CRB1: variants seen among roughly 807,000 people sequenced by gnomAD.
CRB1 encodes the protein protein crumbs homolog 1.
In CRB1, 83 loss-of-function variants were observed where a neutral mutation model predicts 120.0. That is an observed-to-expected ratio of 0.69 (90% CI 0.58 to 0.83). CRB1 has a LOEUF of 0.83. Ranked by LOEUF, CRB1 falls within the 40% of genes least tolerant of loss-of-function variation. CRB1 has a pLI of 0.00. For synonymous variants in CRB1, 625 were observed against 612.5 expected (o/e 1.02, Z -0.30); for missense variants, 1,699 against 1,687.6 (o/e 1.01, Z -0.12).
chr1:197,332,550 TA>T (rs376373577), intron 2 of CRB1, among the ~76,000 whole-genome samples: 91 of 147,224 alleles, frequency 6.2e-4, no homozygotes, highest in Admixed American at 1.1e-3. Context: ...CTTGTTCGGG[TA>T]AAAAAAAAAA....
chr1:197,405,959 T>G, intron 5 of CRB1, among the ~76,000 whole-genome samples: 2 of 139,864 alleles, frequency 1.4e-5, no homozygotes, highest in South Asian at 2.3e-4. Flanking sequence ...GGTGGGGGGG[T>G]CAGCCCCCCG....
At position 197,292,146 on chromosome 1, in the gene CRB1, A is replaced by G. The variant is rs186375969; in HGVS notation, c.70+23664A>G. Among the ~76,000 whole-genome samples the G allele has an allele frequency of 3.2e-3, 483 of 152,222 alleles. 2 individuals carry two copies. Among genetic ancestry groups the G allele is most frequent in the African/African-American group, 0.011 (451 of 41,564 alleles). ...ATCCAGGAGCTGATTTTTTGAAAAG[A>G]TCAACAAAATTGATAGACCGCTAGC... On this transcript the variant is annotated intron_variant, in intron 1 of 11. Coordinates refer to ENST00000367400, the MANE Select transcript of CRB1 (RefSeq NM_201253.3).
intron 1 of CRB1, among the ~76,000 whole-genome samples, chr1:197,318,611 A>T (rs1442331557): frequency 6.6e-6 from 1 of 152,190 alleles, no homozygotes; most frequent in Non-Finnish European, 1.5e-5. Context: ...AATGCTCATC[A>T]ATTTTTAAAT....
chr1:197,202,899 C>T, the CRB1 span, among the ~76,000 whole-genome samples: 1 of 151,784 alleles, frequency 6.6e-6, no homozygotes, highest in Non-Finnish European at 1.5e-5. Flanking sequence ...AGGAAATGAA[C>T]ATTATAGGTC....
chr1:197,232,284 T>G, the CRB1 span, among the ~76,000 whole-genome samples: 1 of 152,314 alleles, frequency 6.6e-6, no homozygotes, highest in East Asian at 1.9e-4. Context: ...TTTGTGTTGC[T>G]TTAGGCTACT....
chr1:197,345,981 G>T lies in CRB1; in HGVS notation c.849-1359G>T, dbSNP rs955852515. Among the ~76,000 whole-genome samples, 4 of 152,230 alleles carry T rather than the reference G, an allele frequency of 2.6e-5. No homozygotes were observed. The East Asian group carries it at 7.7e-4, about 29-fold the overall frequency. On this transcript the variant is annotated intron_variant, in intron 3 of 11. Transcript: ENST00000367400. ...ACACAGAGACAGACAGGTCACAATG[G>T]AAGTTTCCACACAAGGCCTCCTAGA...
At chr1:197,457,932 T>C (rs1666357458) in intron 11 of CRB1, among the ~76,000 whole-genome samples, 1 of 152,148 alleles carries the variant, frequency 6.6e-6, no homozygotes, top group South Asian at 2.1e-4. Flanking sequence ...TTTTTATTGA[T>C]AGTGTAAGTG....
chr1:197,341,272 G>A (rs1443621602), intron 2 of CRB1, among the ~76,000 whole-genome samples: 1 of 152,198 alleles, frequency 6.6e-6, no homozygotes, highest in Non-Finnish European at 1.5e-5. Flanking sequence ...GCCAGACGCA[G>A]TGGCTCATGC....
chr1:197,276,791 A>G (rs1655233007), intron 1 of CRB1, among the ~76,000 whole-genome samples: 1 of 151,914 alleles, frequency 6.6e-6, no homozygotes, highest in African/African-American at 2.4e-5. Context: ...GGGGTTTTAC[A>G]ATAAGTATCT....
At chr1:197,383,738 C>T (rs1219780067) in intron 5 of CRB1, among the ~76,000 whole-genome samples, 1 of 152,134 alleles carries the variant, frequency 6.6e-6, no homozygotes, top group African/African-American at 2.4e-5. Flanking sequence ...CTTTGGTTTT[C>T]TGGAACATTT....
upstream of CRB1, among the ~76,000 whole-genome samples, chr1:197,263,247 T>C (rs564957012): frequency 2.0e-4 from 30 of 152,282 alleles, no homozygotes; most frequent in African/African-American, 6.5e-4. Context: ...TGGCATCTCA[T>C]TGTAGTTTTG....
chr1:197,446,866 G>C (rs1418210940), intron 11 of CRB1, among the ~76,000 whole-genome samples: 5 of 151,976 alleles, frequency 3.3e-5, no homozygotes, highest in Admixed American at 2.0e-4. Context: ...AGATCTGTTG[G>C]ATATCTAAAT....
Position 197,435,313 on chromosome 1 carries a change from T to C in CRB1, c.3450T>C (p.His1150=), listed in dbSNP as rs1244041773. Residue 1150 remains histidine, a synonymous_variant, in exon 9 of 12, where the codon CAT becomes CAC. Transcript: ENST00000367400. The stretch of plus-strand genomic sequence containing the variant: ...TCTGCAACTCCAACCCCTGTTTGCA[T>C]GGAGGAAACTGTGAAGACATCTATA... ...LNVCNSNPCL[H]GGNCEDIYSS... The C allele has an allele frequency of 6.2e-7, 1 of 1,613,810 alleles. No homozygotes were observed. The highest frequency in any genetic ancestry group is 1.1e-5 in the South Asian group (1 of 91,078).
chr1:197,384,905 G>GA (rs1372515655), intron 5 of CRB1, among the ~76,000 whole-genome samples: 1 of 152,074 alleles, frequency 6.6e-6, no homozygotes, highest in Non-Finnish European at 1.5e-5. Flanking sequence ...TTCTTGGATA[G>GA]AAAAAAGTAA....
intron 11 of CRB1, chr1:197,443,899 G>A (rs1314335003): frequency 5.3e-5 from 8 of 151,500 alleles, no homozygotes; most frequent in African/African-American, 2.4e-5. Context: ...CAAAGAAGAC[G>A]TTATTTGTGT....
At chr1:197,243,959 T>G in the CRB1 span, among the ~76,000 whole-genome samples, 1 of 152,150 alleles carries the variant, frequency 6.6e-6, no homozygotes, top group Non-Finnish European at 1.5e-5. Context: ...ATCTTTGTGG[T>G]TTAAAGTCTG....
chr1:197,345,253 C>T (rs1435456788), intron 3 of CRB1, among the ~76,000 whole-genome samples: 7 of 152,080 alleles, frequency 4.6e-5, no homozygotes, highest in Non-Finnish European at 7.4e-5. Context: ...TTTGATTCTT[C>T]GACAGCTCAG....
chr1:197,471,239 A>T (rs1218179032), intron 11 of CRB1, among the ~76,000 whole-genome samples: 2 of 152,104 alleles, frequency 1.3e-5, no homozygotes, highest in Non-Finnish European at 2.9e-5. Context: ...CAGCATAGTT[A>T]TAAGAAATTG....
intron 1 of CRB1, among the ~76,000 whole-genome samples, chr1:197,292,450 A>C (rs1428670883): frequency 2.6e-5 from 4 of 152,156 alleles, no homozygotes; most frequent in Non-Finnish European, 1.5e-5. Flanking sequence ...CCAGGACTAG[A>C]CAGATTCACA....
Sources: gnomAD v4.1 joint callset for allele counts (sites outside exome capture counted in the v4.1 genomes callset) on GRCh38, gnomAD v4.1.1 for gene constraint, MANE v1.5 for transcripts, NCBI Gene and HGNC (gene_info 2026-07-23, HGNC 2026-07-21) for gene names.